The following ZSWIM4 variants were observed in gnomAD, a reference collection of about 807,000 sequenced individuals.
The protein encoded by ZSWIM4 is zinc finger SWIM domain-containing protein 4.
In ZSWIM4, 62 loss-of-function variants were observed where a neutral mutation model predicts 102.5. The ratio of observed to expected loss-of-function variants is 0.60; its 90% confidence interval spans 0.49 to 0.75. The LOEUF (loss-of-function observed/expected upper bound fraction) is 0.75, where lower values mean the gene tolerates loss of function less well. Ranked by LOEUF, ZSWIM4 falls within the 30% of genes least tolerant of loss-of-function variation. ZSWIM4 has a pLI of 0.00. For synonymous variants in ZSWIM4, 652 were observed against 674.5 expected (o/e 0.97, Z 0.52); for missense variants, 1,280 against 1,529.6 (o/e 0.84, Z 2.72).
At chr19:13,795,998 C>T (rs117528513) in intron 1 of ZSWIM4, among the ~76,000 whole-genome samples, 197 bp downstream of exon 1, 1,672 of 150,536 alleles carry the variant, frequency 0.011, 10 homozygotes, top group Middle Eastern at 0.017. Context: ...ACCCAGTAAC[C>T]CACCCCCATC....
chr19:13,818,070 G>T (rs904283096), intron 9 of ZSWIM4, 94 bp downstream of exon 9: 1 of 1,252,984 alleles, frequency 8.0e-7, no homozygotes, highest in African/African-American at 1.6e-5. Context: ...GGGAGGCCCC[G>T]CCCCAGCCCC....
intron 6 of ZSWIM4, among the ~76,000 whole-genome samples, 175 bp downstream of exon 6, chr19:13,813,339 C>T (rs1436022767): frequency 6.6e-6 from 1 of 152,116 alleles, no homozygotes; most frequent in African/African-American, 2.4e-5. Context: ...CAGGAAAGAG[C>T]GAGTGCCAAG....
intron 12 of ZSWIM4, among the ~76,000 whole-genome samples, chr19:13,826,286 G>C (rs1048088026): frequency 6.6e-6 from 1 of 151,844 alleles, no homozygotes; most frequent in African/African-American, 2.4e-5. Flanking sequence ...ATGTGCTATT[G>C]GTTAAGGATC....
intron 1 of ZSWIM4, 137 bp downstream of exon 1, chr19:13,795,938 C>G (rs575268939): frequency 1.4e-4 from 69 of 494,186 alleles, no homozygotes; most frequent in African/African-American, 9.3e-4. Context: ...CCCCAGGACC[C>G]TTAACCCTGC....
At chr19:13,796,053 A>T (rs1974603359) in intron 1 of ZSWIM4, among the ~76,000 whole-genome samples, 1 of 148,318 alleles carries the variant, frequency 6.7e-6, no homozygotes, top group Non-Finnish European at 1.5e-5. Context: ...ATCCCAAATC[A>T]GGACACTTCC....
chr19:13,817,451 G>A (rs1020833511), intron 8 of ZSWIM4, 98 bp downstream of exon 8: 33 of 1,491,944 alleles, frequency 2.2e-5, no homozygotes, highest in Non-Finnish European at 2.9e-5. Flanking sequence ...CCCAGACTCT[G>A]ACCCTTGGCC....
intron 5 of ZSWIM4, among the ~76,000 whole-genome samples, chr19:13,812,623 C>CTT (rs545020943): frequency 6.9e-5 from 9 of 130,388 alleles, no homozygotes; most frequent in Non-Finnish European, 1.3e-4. Flanking sequence ...TCATGCCTGG[C>CTT]TTTTTTTTTT....
At chr19:13,823,995 T>G (rs1975537505) in intron 11 of ZSWIM4, among the ~76,000 whole-genome samples, 1 of 151,652 alleles carries the variant, frequency 6.6e-6, no homozygotes, top group African/African-American at 2.4e-5. Context: ...ACGGCCACCT[T>G]CTTGCTTTGT....
intron 2 of ZSWIM4, among the ~76,000 whole-genome samples, chr19:13,801,142 CAA>C (rs1463282139): frequency 8.1e-6 from 1 of 124,030 alleles, no homozygotes; most frequent in Non-Finnish European, 1.6e-5. Flanking sequence ...GATGCTATCT[CAA>C]AGAGAAAAAA....
intron 2 of ZSWIM4, among the ~76,000 whole-genome samples, chr19:13,804,190 G>T (rs1217747146): frequency 6.6e-6 from 1 of 151,884 alleles, no homozygotes; most frequent in African/African-American, 2.4e-5. Flanking sequence ...CAAAAATTAG[G>T]CTGGGCACCG....
At position 13,830,451 on chromosome 19, in the gene ZSWIM4, A is replaced by T; in HGVS notation, c.2722A>T (p.Ile908Phe). 6.2e-7 allele frequency: 1 copy of T among 1,607,306 alleles called. No individual in the cohort carries two copies. ...NHSAFEAAYQ[I>F]VLDAAAGGLG... ...CTCGGCCTTCGAGGCGGCCTACCAG[A>T]TCGTGCTGGACGCGGCGGCCGGCGG... Residue 908 changes from isoleucine to phenylalanine, a missense_variant, in exon 14 of 14, where the codon ATC becomes TTC. Transcript: ENST00000590508.
chr19:13,830,150 C>T (rs752003256), intron 13 of ZSWIM4, 41 bp from the exon 14 acceptor site: 1 of 1,583,626 alleles, frequency 6.3e-7, no homozygotes, highest in Non-Finnish European at 8.6e-7. Context: ...CGTGTGTCTG[C>T]CCCCGCTCCT....
Position 13,799,274 on chromosome 19 carries a change from C to CT in ZSWIM4, c.154-430dup, listed in dbSNP as rs33931479. On this transcript the variant is annotated intron_variant, in intron 1 of 13. Coordinates refer to ENST00000590508, the MANE Select transcript of ZSWIM4 (RefSeq NM_001367834.3). ...TTTTTTTATTTTTTTATTTTTTTAT[C>CT]TTTTTTTTTTTTTTTTCGAGATGCA... Among the ~76,000 whole-genome samples, 131 of 117,698 alleles carry CT rather than the reference C, an allele frequency of 1.1e-3. 2 individuals are homozygous for CT. The highest frequency in any genetic ancestry group is 4.9e-3 in the East Asian group (21 of 4,318). 77.2% of individuals were successfully genotyped at this position (117,698 alleles called of 152,430 possible). A position where few individuals can be genotyped will look rare whatever the true frequency, so the allele number is the denominator to read the frequency against.
intron 5 of ZSWIM4, among the ~76,000 whole-genome samples, chr19:13,810,102 C>G (rs1975035929): frequency 6.6e-6 from 1 of 151,300 alleles, no homozygotes; most frequent in African/African-American, 2.4e-5. Flanking sequence ...TCACACCATT[C>G]TCCTGCCTCA....
intron 3 of ZSWIM4, among the ~76,000 whole-genome samples, chr19:13,806,003 T>A: frequency 6.8e-6 from 1 of 147,976 alleles, no homozygotes. Context: ...GATCAGTCAC[T>A]GAGGGCAACT....
At chr19:13,811,460 G>T (rs552268080) in intron 5 of ZSWIM4, among the ~76,000 whole-genome samples, 50 of 151,606 alleles carry the variant, frequency 3.3e-4, no homozygotes, top group Non-Finnish European at 7.1e-4. Context: ...GGCCCCGGAG[G>T]TTGAGGCTGC....
rs1212917031 is a variant in ZSWIM4 at position 13,795,783 on chromosome 19, G to A, written c.135G>A (p.Glu45=). The part of the protein sequence containing the change: ...LLDLSAKRVA[E]SWAFEQVEER... ...ACCTCAGCGCCAAGCGGGTAGCCGA[G>A]AGCTGGGCCTTCGAGCAGGTGACCG... Residue 45 remains glutamate (E), a synonymous_variant, in exon 1 of 14, where the codon GAG becomes GAA. Transcript: ENST00000590508. 9 of 1,252,484 alleles carry A rather than the reference G, an allele frequency of 7.2e-6. No individual in the cohort carries two copies. The East Asian group carries it at 2.4e-4, about 33-fold the overall frequency. 77.6% of individuals were successfully genotyped at this position (1,252,484 alleles called of 1,614,324 possible).
Position 13,808,922 on chromosome 19 carries a change from C to T in ZSWIM4, c.799C>T (p.Gln267Ter). 1 of 1,610,084 alleles carries T rather than the reference C, an allele frequency of 6.2e-7. No homozygotes were observed. The highest frequency in any genetic ancestry group is 8.5e-7 in the Non-Finnish European group (1 of 1,178,444). ...GGAGCAGATCCAGGAGCAGGTGAAGCAGCTACTGTCCAATGGCGGCTACTA... is the reference window on the plus strand; with the variant it reads ...GGAGCAGATCCAGGAGCAGGTGAAGTAGCTACTGTCCAATGGCGGCTACTA... ...DEEQIQEQVKQLLSNGGYYGA... is the reference protein window; with the variant it reads ...DEEQIQEQVK Residue 267 changes from glutamine (Q) to a stop codon, truncating the protein, a stop_gained, in exon 4 of 14, where the codon CAG (glutamine) becomes TAG (stop). Transcript: ENST00000590508. LOFTEE classifies it high-confidence loss of function.
Position 13,795,647 on chromosome 19 carries a change from G to T in ZSWIM4, c.-2G>T. 1.5e-6 allele frequency: 1 copy of T among 668,540 alleles called. No homozygotes were observed. Among genetic ancestry groups the T allele is most frequent in the Non-Finnish European group, 2.0e-6 (1 of 496,016 alleles). The allele number at this position is 668,540 out of a possible 1,614,324, so 41.4% of individuals were successfully genotyped here. ...CCCCGGCCCTGGCCCCGGCCGGGCC[G>T]GATGGAACCCCCCGCGGCCAAGCGG... On this transcript the variant is annotated 5_prime_UTR_variant, in exon 1 of 14. Transcript: ENST00000590508.
Sources: allele counts gnomAD v4.1 joint callset (sites outside exome capture counted in the v4.1 genomes callset), GRCh38; gene constraint gnomAD v4.1.1; transcripts MANE v1.5; gene names NCBI Gene and HGNC (gene_info 2026-07-23, HGNC 2026-07-21).